GSPT1: variants seen among roughly 807,000 people sequenced by gnomAD.
The protein encoded by GSPT1 is eukaryotic peptide chain release factor GTP-binding subunit ERF3A.
Under a neutral mutation model 72.5 loss-of-function variants are expected in GSPT1, and 20 were observed. The observed-to-expected ratio is 0.28, with a 90% CI of 0.19 to 0.40. The LOEUF (loss-of-function observed/expected upper bound fraction) is 0.40. Ranked by LOEUF, GSPT1 falls within the 10% of genes least tolerant of loss-of-function variation. GSPT1 has a pLI of 1.00. For synonymous variants in GSPT1, 334 were observed against 293.5 expected, an observed-to-expected ratio of 1.14 and a Z score of -1.41; for missense variants, 580 against 811.9, an observed-to-expected ratio of 0.71 and a Z score of 3.47.
intron 1 of GSPT1, among the ~76,000 whole-genome samples, chr16:11,899,517 G>A (rs1006320977): frequency 2.6e-5 from 4 of 152,140 alleles, no homozygotes; most frequent in African/African-American, 9.7e-5. Context: ...CACCTGACAG[G>A]AGTTGGGAGA....
intron 7 of GSPT1, 175 bp from the exon 8 acceptor site, chr16:11,887,106 A>G: frequency 1.8e-6 from 1 of 559,596 alleles, no homozygotes; most frequent in Middle Eastern, 4.5e-4. Flanking sequence ...AACAATGTCT[A>G]GATGCTTCCA....
intron 1 of GSPT1, among the ~76,000 whole-genome samples, chr16:11,901,313 G>C (rs2054403287): frequency 6.6e-6 from 1 of 152,094 alleles, no homozygotes; most frequent in Non-Finnish European, 1.5e-5. Flanking sequence ...TTCCGAGGTT[G>C]AACTGTTCAT....
chr16:11,913,721 T>C (rs1003175438), intron 1 of GSPT1, among the ~76,000 whole-genome samples: 8 of 152,208 alleles, frequency 5.3e-5, no homozygotes, highest in Non-Finnish European at 1.0e-4. Context: ...TGGGCACTTT[T>C]AGGAGCTGAG....
intron 6 of GSPT1, among the ~76,000 whole-genome samples, chr16:11,888,548 G>C (rs970169164): frequency 6.6e-6 from 1 of 151,516 alleles, no homozygotes; most frequent in Non-Finnish European, 1.5e-5. Flanking sequence ...GATCACCTGA[G>C]GTCAAGAGAT....
At chr16:11,915,097 A>T (rs1295609811) in intron 1 of GSPT1, 14 of 1,283,554 alleles carry the variant, frequency 1.1e-5, no homozygotes, top group African/African-American at 1.5e-5. Flanking sequence ...GTAACTGCGG[A>T]CTCCAGAGCA....
intron 11 of GSPT1, among the ~76,000 whole-genome samples, chr16:11,878,262 C>T (rs1485290905): frequency 6.6e-6 from 1 of 152,156 alleles, no homozygotes; most frequent in Middle Eastern, 3.4e-3. Flanking sequence ...ATTACAGGCA[C>T]CCACCACCAT....
intron 6 of GSPT1, among the ~76,000 whole-genome samples, chr16:11,890,030 G>T (rs377185229): frequency 4.0e-5 from 6 of 149,864 alleles, no homozygotes; most frequent in Admixed American, 2.0e-4. Context: ...GTGCAATCTC[G>T]GCTCACTGCA....
intron 5 of GSPT1, among the ~76,000 whole-genome samples, chr16:11,893,947 G>A (rs1024813210): frequency 1.3e-5 from 2 of 151,830 alleles, no homozygotes; most frequent in African/African-American, 4.8e-5. Flanking sequence ...TTGACCCCAA[G>A]AGGTCAAGAC....
chr16:11,873,145 G>A lies in GSPT1; in HGVS notation c.1888C>T (p.Leu630=). The change falls in exon 15 of 15, where the codon CTG becomes TTG. Residue 630 remains leucine, a synonymous_variant. Transcript: ENST00000434724. The stretch of plus-strand genomic sequence containing the variant: ...TAGTCTTTCTCTGGAACCAGTTTCA[G>A]AACTTTTCCAATTGCAATGGTCTTA... ...EGKTIAIGKV[L]KLVPEKD is the part of the protein sequence containing the mutation. 1 of 1,596,540 alleles carries A rather than the reference G, an allele frequency of 6.3e-7. No individual in the cohort carries two copies. The highest frequency in any genetic ancestry group is 8.6e-7 in the Non-Finnish European group (1 of 1,164,484).
chr16:11,888,137 A>G (rs540741095), intron 6 of GSPT1, among the ~76,000 whole-genome samples: 2 of 152,104 alleles, frequency 1.3e-5, no homozygotes, highest in Admixed American at 6.5e-5. Flanking sequence ...CCTGGGCGAC[A>G]GAGCAAGGCT....
chr16:11,897,835 C>A lies in GSPT1; in HGVS notation c.436+5G>T. ...CTGTATTAATATGGTCAGAAATTTT[C>A]TTACCAATAGGTTCTGAAAGTTCCA... On this transcript the variant is annotated splice_donor_5th_base_variant and intron_variant, in intron 3 of 14. Coordinates refer to ENST00000434724, the MANE Select transcript of GSPT1 (RefSeq NM_002094.4). 6.8e-7 allele frequency: 1 copy of A among 1,478,206 alleles called. No individual in the cohort carries two copies. Among genetic ancestry groups the A allele is most frequent in the South Asian group, 1.2e-5 (1 of 83,272 alleles). 91.6% of individuals were successfully genotyped at this position (1,478,206 alleles called of 1,614,324 possible).
Position 11,870,873 on chromosome 16 carries a change from A to G in GSPT1, c.*2246T>C, listed in dbSNP as rs576328676. 1 of 152,320 alleles carries G rather than the reference A, an allele frequency of 6.6e-6. No individual in the cohort carries two copies. Among genetic ancestry groups the G allele is most frequent in the South Asian group, 2.1e-4 (1 of 4,828 alleles). 9.4% of individuals were successfully genotyped at this position (152,320 alleles called of 1,614,324 possible). ...GCCCTTCACAGTTGATATCCAAGTTACTTAAGAGTCTTGGCAACATGCACA... is the reference window on the plus strand; with the variant it reads ...GCCCTTCACAGTTGATATCCAAGTTGCTTAAGAGTCTTGGCAACATGCACA... On this transcript the variant is annotated 3_prime_UTR_variant, in exon 15 of 15. Transcript: ENST00000434724.
At chr16:11,892,517 A>AAAAAAAT (rs2054276340) in intron 5 of GSPT1, among the ~76,000 whole-genome samples, 3 of 124,258 alleles carry the variant, frequency 2.4e-5, no homozygotes, top group African/African-American at 1.1e-4. Flanking sequence ...AAAAAAACAA[A>AAAAAAAT]AAAAACAAAA....
chr16:11,873,927 T>G (rs2141270466), intron 14 of GSPT1, among the ~76,000 whole-genome samples: 1 of 152,276 alleles, frequency 6.6e-6, no homozygotes, highest in Middle Eastern at 3.4e-3. Context: ...AAAGGGAATA[T>G]CCGTATTTGT....
chr16:11,903,390 T>A (rs964424922), intron 1 of GSPT1, among the ~76,000 whole-genome samples: 3 of 152,002 alleles, frequency 2.0e-5, no homozygotes, highest in Non-Finnish European at 4.4e-5. Context: ...GTGCCTATAA[T>A]CCCAGATACT....
At chr16:11,886,638 C>T in intron 8 of GSPT1, 27 bp from the exon 9 acceptor site, 1 of 1,587,042 alleles carries the variant, frequency 6.3e-7, no homozygotes, top group Non-Finnish European at 8.6e-7. Context: ...ACCAAAATAA[C>T]TCAATTATAA....
intron 4 of GSPT1, chr16:11,895,616 G>A (rs1437276985): frequency 2.0e-5 from 3 of 152,310 alleles, no homozygotes; most frequent in African/African-American, 7.2e-5. Context: ...AATGAGGTAT[G>A]TGCTCCTTTA....
In GSPT1 at chr16:11,887,720, C is replaced by T; in HGVS notation, c.807G>A (p.Gln269=). 6 of 1,612,320 alleles carry T rather than the reference C, an allele frequency of 3.7e-6. No individual in the cohort carries two copies. Among genetic ancestry groups the T allele is most frequent in the Non-Finnish European group, 5.1e-6 (6 of 1,179,134 alleles). ...CTGTTTTACCCTTGTCTCGTTCTTCCTGATTTGTGTCTAAGGCCCAAGACA... is the reference window on the plus strand; with the variant it reads ...CTGTTTTACCCTTGTCTCGTTCTTCTTGATTTGTGTCTAAGGCCCAAGACA... ...WYLSWALDTN[Q]EERDKGKTVE... is the part of the protein sequence containing the mutation. The change falls in exon 7 of 15, where the codon CAG becomes CAA. Residue 269 remains glutamine (Q), a synonymous_variant. Transcript: ENST00000434724.
At chr16:11,915,143 G>A (rs2054615195) in intron 1 of GSPT1, 1 of 1,048,540 alleles carries the variant, frequency 9.5e-7, no homozygotes, top group African/African-American at 1.7e-5. Context: ...TCGGGTCCGG[G>A]TCTTTGGGCG....
Sources: allele counts gnomAD v4.1 joint callset (sites outside exome capture counted in the v4.1 genomes callset), GRCh38; gene constraint gnomAD v4.1.1; transcripts MANE v1.5; gene names NCBI Gene and HGNC (gene_info 2026-07-23, HGNC 2026-07-21).